The following MRS2 variants were observed in gnomAD, a reference collection of about 807,000 sequenced individuals.
MRS2 encodes magnesium transporter MRS2 homolog, mitochondrial.
A neutral mutation model predicts 52.6 loss-of-function variants in MRS2; 40 were observed. The observed-to-expected ratio is 0.76, with a 90% CI of 0.59 to 0.99. The LOEUF (loss-of-function observed/expected upper bound fraction) is 0.99, where lower values mean the gene tolerates loss of function less well. Among genes scored for constraint, MRS2 ranks in the 50% least tolerant of loss-of-function variants. MRS2 has a pLI of 0.00. For synonymous variants in MRS2, 193 were observed against 195.9 expected (o/e 0.98, Z 0.13); for missense variants, 472 against 532.7 (o/e 0.89, Z 1.12).
In MRS2 at chr6:24,415,011, G is replaced by A. The variant is rs200069640; in HGVS notation, c.589-22G>A. ...CTAAAAAGATTGTTTTAATTCTTAT[G>A]AAAGGTCATGTTGTTATCTAGATCA... On this transcript the variant is annotated intron_variant, in intron 5 of 10. Transcript: ENST00000378386. 3.0e-4 allele frequency: 469 copies of A among 1,553,486 alleles called. 1 individual carries two copies. In the African/African-American group the frequency reaches 5.9e-3, roughly 20 times the overall value.
At chr6:24,406,447 T>C (rs975274127) in intron 2 of MRS2, among the ~76,000 whole-genome samples, 1 of 152,162 alleles carries the variant, frequency 6.6e-6, no homozygotes, top group African/African-American at 2.4e-5. Context: ...CTGTTATTCA[T>C]TGTTCTGGAA....
At position 24,405,259 on chromosome 6, in the gene MRS2, A is replaced by C. The variant is rs770241838; in HGVS notation, c.264+18A>C. Reference sequence around the variant, plus strand: ...TTACTGTGGTGAGTATGTACAGTACATTGGAAATCGTACAGAAAGTGCTTC... The same window carrying C: ...TTACTGTGGTGAGTATGTACAGTACCTTGGAAATCGTACAGAAAGTGCTTC... On this transcript the variant is annotated intron_variant, in intron 2 of 10. Transcript: ENST00000378386. 1 of 1,586,774 alleles carries C rather than the reference A, an allele frequency of 6.3e-7. No homozygotes were observed. The highest frequency in any genetic ancestry group is 8.6e-7 in the Non-Finnish European group (1 of 1,157,614).
At chr6:24,418,338 T>C (rs1761924636) in intron 8 of MRS2, 102 bp downstream of exon 8, 5 of 1,507,858 alleles carry the variant, frequency 3.3e-6, no homozygotes, top group Non-Finnish European at 4.4e-6. Flanking sequence ...TTATCATCTA[T>C]ACTACATTAT....
intron 9 of MRS2, among the ~76,000 whole-genome samples, chr6:24,422,265 G>A (rs1243934817): frequency 6.6e-6 from 1 of 152,172 alleles, no homozygotes; most frequent in African/African-American, 2.4e-5. Context: ...CTCAATCATT[G>A]GAGCCAATGA....
At chr6:24,419,497 A>G (rs560093140) in intron 9 of MRS2, among the ~76,000 whole-genome samples, 2 of 152,322 alleles carry the variant, frequency 1.3e-5, no homozygotes, top group East Asian at 3.9e-4. Flanking sequence ...GGCGGTTTGC[A>G]TACTTTATTT....
At chr6:24,412,433 G>A in intron 5 of MRS2, 38 bp downstream of exon 5, 1 of 1,448,224 alleles carries the variant, frequency 6.9e-7, no homozygotes, top group African/African-American at 1.4e-5. Context: ...GGTTTATTCT[G>A]ATTTTGAAAT....
At chr6:24,417,998 C>G in intron 7 of MRS2, 86 bp from the exon 8 acceptor site, 1 of 1,073,768 alleles carries the variant, frequency 9.3e-7, no homozygotes, top group Non-Finnish European at 1.3e-6. Flanking sequence ...TAGCTGAATG[C>G]TATATACTAA....
intron 4 of MRS2, among the ~76,000 whole-genome samples, chr6:24,411,848 T>G (rs1194477833): frequency 6.6e-6 from 1 of 151,406 alleles, no homozygotes; most frequent in African/African-American, 2.4e-5. Flanking sequence ...TCTGGGGGTA[T>G]TTTTTGGTGT....
chr6:24,416,860 G>A (rs942858660), intron 7 of MRS2, among the ~76,000 whole-genome samples: 1 of 152,096 alleles, frequency 6.6e-6, no homozygotes, highest in East Asian at 1.9e-4. Context: ...GGGAAAAGAT[G>A]GGGTAAATAC....
chr6:24,402,936 A>G lies in MRS2; in HGVS notation c.-111A>G, dbSNP rs1761324120. 3.8e-6 allele frequency: 4 copies of G among 1,049,920 alleles called. No individual in the cohort carries two copies. The highest frequency in any genetic ancestry group is 5.4e-6 in the Non-Finnish European group (4 of 737,644). The allele number at this position is 1,049,920 out of a possible 1,614,324, so 65.0% of individuals were successfully genotyped here. ...GGCACGCCCCGCGCATGCCTGGTGC[A>G]CAGAGTCTGCAGGTCGGGCGGTAGC... is the stretch of plus-strand genomic sequence containing the variant. On this transcript the variant is annotated 5_prime_UTR_variant, in exon 1 of 11. Transcript: ENST00000378386.
intron 9 of MRS2, among the ~76,000 whole-genome samples, chr6:24,422,516 TTA>T (rs371175096): frequency 2.6e-5 from 4 of 152,140 alleles, no homozygotes; most frequent in African/African-American, 9.7e-5. Context: ...ACAGATTCCT[TTA>T]TGTTATTTCC....
rs764529167 is a variant in MRS2, at chr6:24,424,045, AAGCCCATAGGT to A, written c.*355_*365del. ...GCTGAATGAAGCGTAGGAACTTGAC[AAGCCCATAGGT>A]AGCTATAGTTCTTTGTCAGTATAGG... On this transcript the variant is annotated 3_prime_UTR_variant, in exon 11 of 11. Transcript: ENST00000378386. 5.0e-5 allele frequency: 8 copies of A among 161,352 alleles called. No individual in the cohort carries two copies. The highest frequency in any genetic ancestry group is 1.1e-4 in the Non-Finnish European group (8 of 73,380). The allele number at this position is 161,352 out of a possible 1,614,324, so 10.0% of individuals were successfully genotyped here.
chr6:24,419,944 C>G (rs186188033), intron 9 of MRS2, among the ~76,000 whole-genome samples: 27 of 152,360 alleles, frequency 1.8e-4, no homozygotes, highest in African/African-American at 5.8e-4. Flanking sequence ...ATGCTGGATT[C>G]TGTGTCCTCA....
chr6:24,416,477 A>G lies in MRS2; in HGVS notation c.800A>G (p.Glu267Gly). The stretch of plus-strand genomic sequence containing the variant: ...TTGGATGAGGAAGAGTTGCTAGAAG[A>G]GCTCTGTGTATCAAAATGGAGTGAC... Reference protein sequence around the residue: ...EILDEEELLEELCVSKWSDPQ... With the variant: ...EILDEEELLEGLCVSKWSDPQ... Residue 267 changes from glutamate (E) to glycine (G), a missense_variant, in exon 7 of 11, where the codon GAG (glutamate) becomes GGG (glycine). By Grantham distance (98) the Glu-to-Gly change is moderately conservative. Coordinates refer to ENST00000378386, the MANE Select transcript of MRS2 (RefSeq NM_020662.4). The G allele has an allele frequency of 6.2e-7, 1 of 1,600,288 alleles. No homozygotes were observed. The highest frequency in any genetic ancestry group is 8.6e-7 in the Non-Finnish European group (1 of 1,169,200).
chr6:24,405,827 C>T (rs1267409975), intron 2 of MRS2, among the ~76,000 whole-genome samples: 2 of 148,180 alleles, frequency 1.3e-5, no homozygotes, highest in African/African-American at 2.5e-5. Context: ...GTGTGCCGGC[C>T]GGGCGTGGTG....
intron 7 of MRS2, 89 bp from the exon 8 acceptor site, chr6:24,417,995 A>G: frequency 9.7e-7 from 1 of 1,026,164 alleles, no homozygotes; most frequent in South Asian, 1.9e-5. Context: ...TGGTAGCTGA[A>G]TGCTATATAC....
chr6:24,402,996 C>T lies in MRS2; in HGVS notation c.-51C>T. ...GAGCTGCGGCCTGAGCAGCCAGCGT[C>T]CGGCATGAAGGTCTGGGGTCTGGCT... is the stretch of plus-strand genomic sequence containing the variant. On this transcript the variant is annotated 5_prime_UTR_variant, in exon 1 of 11. Coordinates refer to ENST00000378386, the MANE Select transcript of MRS2 (RefSeq NM_020662.4). 1 of 1,491,976 alleles carries T rather than the reference C, an allele frequency of 6.7e-7. No homozygotes were observed. 92.4% of individuals were successfully genotyped at this position (1,491,976 alleles called of 1,614,324 possible).
Position 24,424,770 on chromosome 6 carries a change from TAAC to T in MRS2, c.*1078_*1080del, listed in dbSNP as rs1409202481. The T allele has an allele frequency of 2.0e-5, 3 of 152,166 alleles. No individual in the cohort carries two copies. The highest frequency in any genetic ancestry group is 2.9e-5 in the Non-Finnish European group (2 of 68,040). 9.4% of individuals were successfully genotyped at this position (152,166 alleles called of 1,614,324 possible). A position where few individuals can be genotyped will look rare whatever the true frequency, so the allele number is the denominator to read the frequency against. ...AGCTCTTGCACTACAAATGTAATAATAACAGAATAAATACACTTACCCTGATGA... is the reference window on the plus strand; with the variant it reads ...AGCTCTTGCACTACAAATGTAATAATAGAATAAATACACTTACCCTGATGA... On this transcript the variant is annotated 3_prime_UTR_variant, in exon 11 of 11. Coordinates refer to ENST00000378386, the MANE Select transcript of MRS2 (RefSeq NM_020662.4).
intron 3 of MRS2, among the ~76,000 whole-genome samples, chr6:24,408,843 G>A (rs1450984954): frequency 6.6e-6 from 1 of 152,000 alleles, no homozygotes; most frequent in Non-Finnish European, 1.5e-5. Context: ...CATTGCAGTG[G>A]GTGACAAAAG....
Sources: gnomAD v4.1 joint callset for allele counts (sites outside exome capture counted in the v4.1 genomes callset) on GRCh38, gnomAD v4.1.1 for gene constraint, MANE v1.5 for transcripts, NCBI Gene and HGNC (gene_info 2026-07-23, HGNC 2026-07-21) for gene names.